The following LYPLAL1 variants were observed in gnomAD, a reference collection of about 807,000 sequenced individuals.
LYPLAL1 encodes the protein lysophospholipase-like protein 1.
LYPLAL1 carries 23 observed loss-of-function variants against 19.7 expected under a neutral mutation model. The ratio of observed to expected loss-of-function variants is 1.17; its 90% CI spans 0.84 to 1.65. The LOEUF (loss-of-function observed/expected upper bound fraction) is 1.65. LYPLAL1 is among the 40% of genes most tolerant of loss of function. LYPLAL1 has a pLI of 0.00. For missense variants in LYPLAL1, 355 were observed against 279.4 expected, an observed-to-expected ratio of 1.27 and a Z score of -1.93; for synonymous variants, 119 against 96.3, an observed-to-expected ratio of 1.24 and a Z score of -1.38.
At chr1:219,259,302 C>G in the LYPLAL1 span, among the ~76,000 whole-genome samples, 7 of 151,768 alleles carry the variant, frequency 4.6e-5, no homozygotes, top group Admixed American at 3.3e-4. Flanking sequence ...AACAAAGACA[C>G]TTGGACACAA....
chr1:219,192,577 A>G (rs745833187), intron 2 of LYPLAL1, among the ~76,000 whole-genome samples: 5 of 151,556 alleles, frequency 3.3e-5, no homozygotes, highest in Non-Finnish European at 5.9e-5. Flanking sequence ...CTCTGTGTTT[A>G]TCTAATATAG....
At chr1:219,393,043 C>T in the LYPLAL1 span, among the ~76,000 whole-genome samples, 8 of 152,158 alleles carry the variant, frequency 5.3e-5, no homozygotes, top group Admixed American at 2.0e-4. Context: ...ATTTTAAGGT[C>T]ATAAAACTGT....
At chr1:219,368,368 G>A in the LYPLAL1 span, among the ~76,000 whole-genome samples, 3 of 152,298 alleles carry the variant, frequency 2.0e-5, no homozygotes, top group South Asian at 6.2e-4. Flanking sequence ...TTAGGACTAA[G>A]GGTGATATTT....
the LYPLAL1 span, among the ~76,000 whole-genome samples, chr1:219,349,915 A>G: frequency 6.6e-6 from 1 of 152,138 alleles, no homozygotes; most frequent in Non-Finnish European, 1.5e-5. Flanking sequence ...GATCTTAGAA[A>G]TGTCTTCACC....
At chr1:219,436,400 A>G in the LYPLAL1 span, among the ~76,000 whole-genome samples, 1 of 152,258 alleles carries the variant, frequency 6.6e-6, no homozygotes, top group Non-Finnish European at 1.5e-5. Context: ...TATGTTTTCA[A>G]CCTAAAAGTT....
chr1:219,340,094 T>C, the LYPLAL1 span, among the ~76,000 whole-genome samples: 3 of 152,096 alleles, frequency 2.0e-5, no homozygotes, highest in Non-Finnish European at 4.4e-5. Flanking sequence ...AAATGTATGG[T>C]ATATAAATAT....
the LYPLAL1 span, among the ~76,000 whole-genome samples, chr1:219,269,780 T>C: frequency 2.0e-5 from 3 of 152,170 alleles, no homozygotes; most frequent in African/African-American, 7.2e-5. Context: ...CAAATCATAA[T>C]TATAAACATA....
At chr1:219,217,865 G>A (rs1659350497), downstream of LYPLAL1, among the ~76,000 whole-genome samples, 1 of 152,078 alleles carries the variant, frequency 6.6e-6, no homozygotes, top group African/African-American at 2.4e-5. Flanking sequence ...AGGAGAAATT[G>A]CAGCAAGAAG....
the LYPLAL1 span, among the ~76,000 whole-genome samples, chr1:219,334,344 C>T: frequency 6.6e-6 from 1 of 152,008 alleles, no homozygotes; most frequent in Non-Finnish European, 1.5e-5. Flanking sequence ...CCCATTTATA[C>T]TTTAATCTTC....
chr1:219,174,231 C>T (rs769072150), intron 1 of LYPLAL1: 12 of 1,384,374 alleles, frequency 8.7e-6, no homozygotes, highest in African/African-American at 1.5e-5. Context: ...TGTCCCGCCG[C>T]TCAGCCAGCC....
At chr1:219,278,160 G>C in the LYPLAL1 span, among the ~76,000 whole-genome samples, 5 of 152,112 alleles carry the variant, frequency 3.3e-5, no homozygotes, top group Non-Finnish European at 7.3e-5. Flanking sequence ...ATTTTGCCAA[G>C]GATCTTAACA....
chr1:219,323,591 A>T, the LYPLAL1 span, among the ~76,000 whole-genome samples: 1 of 152,126 alleles, frequency 6.6e-6, no homozygotes, highest in African/African-American at 2.4e-5. Context: ...GGGCTCTGTT[A>T]CGGCTGCTCC....
intron 1 of LYPLAL1, among the ~76,000 whole-genome samples, chr1:219,176,966 A>G (rs1032332021): frequency 2.0e-5 from 3 of 152,240 alleles, no homozygotes; most frequent in Admixed American, 1.3e-4. Context: ...AATAAATACT[A>G]TAGTAGAAGG....
the LYPLAL1 span, among the ~76,000 whole-genome samples, chr1:219,332,750 T>TTA: frequency 1.3e-5 from 2 of 150,786 alleles, no homozygotes; most frequent in African/African-American, 2.4e-5. Flanking sequence ...TGTTTTTTTT[T>TTA]AAAGCATAAA....
At chr1:219,203,904 G>A (rs1658326149) in intron 3 of LYPLAL1, among the ~76,000 whole-genome samples, 1 of 152,142 alleles carries the variant, frequency 6.6e-6, no homozygotes, top group Non-Finnish European at 1.5e-5. Flanking sequence ...AGGAATACCA[G>A]GATGAGTAAA....
the LYPLAL1 span, among the ~76,000 whole-genome samples, chr1:219,290,824 A>G: frequency 6.6e-6 from 1 of 152,192 alleles, no homozygotes; most frequent in Non-Finnish European, 1.5e-5. Flanking sequence ...CAAATGCACT[A>G]TCTTTATATT....
chr1:219,393,514 C>A, the LYPLAL1 span, among the ~76,000 whole-genome samples: 12 of 152,078 alleles, frequency 7.9e-5, no homozygotes, highest in South Asian at 4.1e-4. Context: ...GTCCAGTATT[C>A]CAAATGCCTT....
chr1:219,333,588 A>G, the LYPLAL1 span, among the ~76,000 whole-genome samples: 1 of 152,072 alleles, frequency 6.6e-6, no homozygotes, highest in Non-Finnish European at 1.5e-5. Context: ...CCCAAGAGAA[A>G]GATTTTCTCT....
the LYPLAL1 span, among the ~76,000 whole-genome samples, chr1:219,289,083 T>TTTG: frequency 3.3e-5 from 5 of 150,054 alleles, no homozygotes; most frequent in East Asian, 1.9e-4. Context: ...GTTTTGTTTT[T>TTTG]TTTGTTTTTT....
Sources: allele counts gnomAD v4.1 joint callset (sites outside exome capture counted in the v4.1 genomes callset), GRCh38; gene constraint gnomAD v4.1.1; transcripts MANE v1.5; gene names NCBI Gene and HGNC (gene_info 2026-07-23, HGNC 2026-07-21).